The following EXOC4 variants were observed in gnomAD, a reference collection of about 807,000 sequenced individuals.
EXOC4 encodes exocyst complex component 4.
Under a neutral mutation model 107.2 loss-of-function variants are expected in EXOC4, and 71 were observed. That is an observed-to-expected ratio of 0.66 (90% CI 0.55 to 0.81). The LOEUF is 0.81. EXOC4 is among the 30% of genes least tolerant of loss of function. The probability of loss-of-function intolerance (pLI) is 0.00; values close to 1 mark genes in which losing one functional copy is unlikely to be tolerated. For synonymous variants in EXOC4, 456 were observed against 441.2 expected, an observed-to-expected ratio of 1.03 and a Z score of -0.42; for missense variants, 1,108 against 1,189.6, an observed-to-expected ratio of 0.93 and a Z score of 1.01.
chr7:133,364,098 A>T (rs977178983), intron 6 of EXOC4, among the ~76,000 whole-genome samples: 1 of 151,942 alleles, frequency 6.6e-6, no homozygotes, highest in Non-Finnish European at 1.5e-5. Flanking sequence ...TTGCAGCCTG[A>T]TTTAGGGCTG....
At chr7:133,390,162 C>G (rs1169967732) in intron 7 of EXOC4, among the ~76,000 whole-genome samples, 1 of 152,134 alleles carries the variant, frequency 6.6e-6, no homozygotes, top group Non-Finnish European at 1.5e-5. Context: ...GATTCTCTGT[C>G]TGCCTGGGAA....
intron 10 of EXOC4, among the ~76,000 whole-genome samples, chr7:133,683,622 G>A (rs959163170): frequency 3.3e-5 from 5 of 151,926 alleles, no homozygotes; most frequent in East Asian, 1.9e-4. Context: ...TAAAGCCCCC[G>A]TTTAAAAGCT....
At chr7:134,018,218 C>G (rs961281506) in intron 17 of EXOC4, among the ~76,000 whole-genome samples, 2 of 152,162 alleles carry the variant, frequency 1.3e-5, no homozygotes, top group Admixed American at 1.3e-4. Context: ...TTTACCGACT[C>G]TATTAGAATT....
At chr7:133,400,534 T>C (rs887141408) in intron 7 of EXOC4, among the ~76,000 whole-genome samples, 1 of 152,204 alleles carries the variant, frequency 6.6e-6, no homozygotes, top group Non-Finnish European at 1.5e-5. Context: ...ATTTTTTTCT[T>C]AGGATTCTTT....
At position 133,630,080 on chromosome 7, in the gene EXOC4, A is replaced by G; in HGVS notation, c.1453A>G (p.Thr485Ala). The G allele has an allele frequency of 6.2e-7, 1 of 1,613,994 alleles. No individual in the cohort carries two copies. The highest frequency in any genetic ancestry group is 8.5e-7 in the Non-Finnish European group (1 of 1,179,894). The change falls in exon 10 of 18, where the codon ACA becomes GCA. Residue 485 changes from threonine to alanine, a missense_variant. Coordinates refer to ENST00000253861, the MANE Select transcript of EXOC4 (RefSeq NM_021807.4). ...PDDNLIEGGG[T>A]KFVCKPGARN... is the part of the protein sequence containing the mutation. ...TGACAACTTAATTGAAGGTGGAGGA[A>G]CAAAATTTGTCTGCAAACCTGGAGC...
At chr7:133,520,831 C>G (rs1269520180) in intron 9 of EXOC4, among the ~76,000 whole-genome samples, 1 of 152,094 alleles carries the variant, frequency 6.6e-6, no homozygotes, top group East Asian at 1.9e-4. Context: ...TCCACAACAG[C>G]TCAGTAAAAG....
intron 17 of EXOC4, among the ~76,000 whole-genome samples, chr7:134,060,838 A>G (rs540719529): frequency 3.3e-5 from 5 of 152,312 alleles, no homozygotes; most frequent in African/African-American, 1.2e-4. Context: ...CTAATATATC[A>G]GCATGGTTAT....
chr7:133,883,714 G>C (rs1488089439), intron 11 of EXOC4, among the ~76,000 whole-genome samples: 1 of 152,096 alleles, frequency 6.6e-6, no homozygotes, highest in Non-Finnish European at 1.5e-5. Context: ...TGATTGACAT[G>C]AACACTCATT....
chr7:133,744,514 A>ATT (rs1795635159), intron 10 of EXOC4, among the ~76,000 whole-genome samples: 1 of 152,192 alleles, frequency 6.6e-6, no homozygotes, highest in African/African-American at 2.4e-5. Flanking sequence ...CTAACTGATG[A>ATT]TAGAGTTGTT....
chr7:133,750,766 A>G (rs1795779361), intron 10 of EXOC4, among the ~76,000 whole-genome samples: 1 of 152,116 alleles, frequency 6.6e-6, no homozygotes, highest in Admixed American at 6.5e-5. Flanking sequence ...TTTTCTGTAG[A>G]TAGGGGATCT....
intron 5 of EXOC4, among the ~76,000 whole-genome samples, chr7:133,335,112 G>A (rs763032737): frequency 6.6e-6 from 1 of 152,128 alleles, no homozygotes; most frequent in African/African-American, 2.4e-5. Flanking sequence ...GTTGTTGGAG[G>A]TGTATCGTTA....
intron 10 of EXOC4, among the ~76,000 whole-genome samples, chr7:133,766,554 CTTAAAG>C (rs1562988708): frequency 6.6e-6 from 1 of 151,896 alleles, no homozygotes. Context: ...AATTAGGGAT[CTTAAAG>C]TTAGAGTAAA....
chr7:133,685,339 C>T (rs944466896), intron 10 of EXOC4, among the ~76,000 whole-genome samples: 26 of 152,064 alleles, frequency 1.7e-4, no homozygotes, highest in African/African-American at 5.8e-4. Flanking sequence ...AAGGGCTCTT[C>T]CCCCTTTGCT....
At chr7:133,396,278 G>A (rs1796969469) in intron 7 of EXOC4, 1 of 152,142 alleles carries the variant, frequency 6.6e-6, no homozygotes, top group Non-Finnish European at 1.5e-5. Context: ...TCAACACTCA[G>A]ACTCACTTAT....
the EXOC4 span, among the ~76,000 whole-genome samples, chr7:134,099,750 A>G: frequency 2.4e-4 from 37 of 151,846 alleles, 1 homozygote; most frequent in African/African-American, 8.4e-4. Context: ...CTTGTCACCC[A>G]GTCTGGAGTG....
chr7:133,595,042 G>A (rs1801634948), intron 9 of EXOC4, among the ~76,000 whole-genome samples: 1 of 152,102 alleles, frequency 6.6e-6, no homozygotes, highest in Admixed American at 6.5e-5. Context: ...TATAGAGGCA[G>A]GGGTGGAGGA....
chr7:133,755,369 G>A (rs1307793240), intron 10 of EXOC4, among the ~76,000 whole-genome samples: 143 of 122,142 alleles, frequency 1.2e-3, no homozygotes, highest in African/African-American at 4.3e-3. Flanking sequence ...CGGGGGGACA[G>A]AGTCTCACCC....
chr7:133,952,873 C>T (rs1800724975), intron 14 of EXOC4, among the ~76,000 whole-genome samples: 1 of 152,252 alleles, frequency 6.6e-6, no homozygotes, highest in South Asian at 2.1e-4. Context: ...GGCTGTACCA[C>T]ACTTTATTTC....
chr7:133,935,214 A>G (rs1166981202), intron 13 of EXOC4, among the ~76,000 whole-genome samples: 1 of 152,062 alleles, frequency 6.6e-6, no homozygotes, highest in Non-Finnish European at 1.5e-5. Context: ...CTGCAGCCCC[A>G]GTTGCCGTGG....
Sources: allele counts gnomAD v4.1 joint callset (sites outside exome capture counted in the v4.1 genomes callset), GRCh38; gene constraint gnomAD v4.1.1; transcripts MANE v1.5; gene names NCBI Gene and HGNC (gene_info 2026-07-23, HGNC 2026-07-21).